Variants in PKIB observed in about 807,000 individuals in gnomAD.
The protein encoded by PKIB is cAMP-dependent protein kinase inhibitor beta.
Under a neutral mutation model 4.5 loss-of-function variants are expected in PKIB, and 2 were observed. The observed-to-expected ratio is 0.44, with a 90% CI of 0.18 to 1.39. PKIB has a LOEUF of 1.39. Ranked by LOEUF, PKIB falls within the 40% of genes most tolerant of loss-of-function variation. The pLI, the probability that PKIB is intolerant of heterozygous loss-of-function variation, is 0.27. For missense variants in PKIB, 94 were observed against 92.6 expected, an observed-to-expected ratio of 1.02 and a Z score of -0.06; for synonymous variants, 38 against 36.0, an observed-to-expected ratio of 1.06 and a Z score of -0.20.
chr6:122,589,762 C>A (rs1459132375), intron 3 of PKIB, among the ~76,000 whole-genome samples: 2 of 151,906 alleles, frequency 1.3e-5, no homozygotes, highest in Admixed American at 1.3e-4. Flanking sequence ...TTCATTATTA[C>A]AGGAAAAAGA....
chr6:122,645,304 G>C (rs1427211424), intron 2 of PKIB, among the ~76,000 whole-genome samples: 2 of 152,182 alleles, frequency 1.3e-5, no homozygotes, highest in African/African-American at 4.8e-5. Context: ...GTAGAGGATG[G>C]GGTTAGTTTG....
chr6:122,646,763 C>T lies in PKIB; in HGVS notation c.-76+13396C>T, dbSNP rs531595742. ...AAAATATAGCTTCAAATTATCACCTCTGTGACTTTGGGGCAAGTAGTTTAT... is the reference window on the plus strand; with the variant it reads ...AAAATATAGCTTCAAATTATCACCTTTGTGACTTTGGGGCAAGTAGTTTAT... On this transcript the variant is annotated intron_variant, in intron 2 of 4. Coordinates refer to ENST00000368452, the MANE Select transcript of PKIB (RefSeq NM_181795.3). Among the ~76,000 whole-genome samples, 11 of 152,268 alleles carry T rather than the reference C, an allele frequency of 7.2e-5. No homozygotes were observed. In the South Asian group the frequency reaches 1.2e-3, roughly 17 times the overall value.
chr6:122,514,210 G>A (rs113624842), intron 2 of PKIB, among the ~76,000 whole-genome samples: 2,524 of 152,160 alleles, frequency 0.017, 82 homozygotes, highest in African/African-American at 0.059. Flanking sequence ...TTGGCCATGA[G>A]TACACAGGGA....
At chr6:122,519,196 A>G (rs1224351219) in intron 2 of PKIB, among the ~76,000 whole-genome samples, 1 of 152,050 alleles carries the variant, frequency 6.6e-6, no homozygotes, top group Non-Finnish European at 1.5e-5. Context: ...TAGGACAGTG[A>G]ACATTGTGAA....
intron 2 of PKIB, among the ~76,000 whole-genome samples, chr6:122,489,738 T>C (rs912922660): frequency 3.9e-5 from 6 of 152,254 alleles, no homozygotes; most frequent in South Asian, 4.1e-4. Context: ...CTTATAAATA[T>C]GATTTTTCTG....
At chr6:122,475,491 A>G (rs912231046) in intron 1 of PKIB, among the ~76,000 whole-genome samples, 1 of 152,116 alleles carries the variant, frequency 6.6e-6, no homozygotes, top group Non-Finnish European at 1.5e-5. Context: ...TCATCTCTAT[A>G]AAAGTAAAAA....
intron 2 of PKIB, among the ~76,000 whole-genome samples, chr6:122,633,929 C>CCTATCTATCTATCTAT (rs61254507): frequency 0.016 from 2,300 of 145,954 alleles, 37 homozygotes; most frequent in South Asian, 0.02. Context: ...AGATATCTGT[C>CCTATCTATCTATCTAT]CTATCTATCT....
rs369561017 is a variant in PKIB, at chr6:122,654,972, TG to T, written c.-75-20105del. On this transcript the variant is annotated intron_variant, in intron 2 of 4. Coordinates refer to ENST00000368452, the MANE Select transcript of PKIB (RefSeq NM_181795.3). Reference sequence around the variant, plus strand: ...TTTCAGTTAATATTCAGAGATTTTTTGTTTGTTTGTTCATTTGTTTTTGAGA... The same window carrying T: ...TTTCAGTTAATATTCAGAGATTTTTTTTTGTTTGTTCATTTGTTTTTGAGA... Among the ~76,000 whole-genome samples, 265 of 152,248 alleles carry T rather than the reference TG, an allele frequency of 1.7e-3. 1 individual carries two copies. Among genetic ancestry groups the T allele is most frequent in the African/African-American group, 6.0e-3 (248 of 41,566 alleles).
At chr6:122,622,457 A>AT (rs1475433944) in intron 1 of PKIB, among the ~76,000 whole-genome samples, 2 of 152,168 alleles carry the variant, frequency 1.3e-5, no homozygotes, top group Admixed American at 6.5e-5. Context: ...CTCTGCTCTG[A>AT]TTTTTATTTA....
chr6:122,619,221 G>A (rs183271471), intron 1 of PKIB, among the ~76,000 whole-genome samples: 107 of 152,080 alleles, frequency 7.0e-4, no homozygotes, highest in Admixed American at 2.0e-3. Context: ...ATTTTTTAAG[G>A]ATGTCAAAGT....
chr6:122,663,769 C>A (rs1048044706), intron 2 of PKIB, among the ~76,000 whole-genome samples: 1 of 152,140 alleles, frequency 6.6e-6, no homozygotes, highest in Non-Finnish European at 1.5e-5. Flanking sequence ...TTACATTTGC[C>A]AAGACCTTAT....
intron 2 of PKIB, among the ~76,000 whole-genome samples, chr6:122,655,045 T>A (rs1776711786): frequency 6.6e-6 from 1 of 152,164 alleles, no homozygotes; most frequent in South Asian, 2.1e-4. Context: ...TGGAGTGAAG[T>A]GGCATGATCT....
At chr6:122,590,852 C>A (rs1399987297) in intron 3 of PKIB, among the ~76,000 whole-genome samples, 2 of 152,058 alleles carry the variant, frequency 1.3e-5, no homozygotes, top group African/African-American at 4.8e-5. Context: ...CAGGGCTGCC[C>A]TCTGCCCACA....
intron 1 of PKIB, among the ~76,000 whole-genome samples, chr6:122,615,534 A>G (rs1318403463): frequency 6.6e-6 from 1 of 152,184 alleles, no homozygotes; most frequent in African/African-American, 2.4e-5. Context: ...GGGCGACTTC[A>G]TGGGTGTACT....
chr6:122,658,998 T>C (rs1398297296), intron 2 of PKIB, among the ~76,000 whole-genome samples: 2 of 151,858 alleles, frequency 1.3e-5, no homozygotes, highest in Non-Finnish European at 2.9e-5. Flanking sequence ...AATTATATAA[T>C]ATTATTAATC....
chr6:122,702,280 A>G (rs185839164), intron 3 of PKIB, among the ~76,000 whole-genome samples: 68 of 149,862 alleles, frequency 4.5e-4, no homozygotes, highest in African/African-American at 1.6e-3. Flanking sequence ...AGAGGAAAAC[A>G]CCTTAACCCC....
rs1778101041 is a variant in PKIB at position 122,686,591 on chromosome 6, A to AG, written c.-9+11449dup. On this transcript the variant is annotated intron_variant, in intron 3 of 4. Coordinates refer to ENST00000368452, the MANE Select transcript of PKIB (RefSeq NM_181795.3). The stretch of plus-strand genomic sequence containing the variant: ...TGGCTCGCTGCAGCCTTAACTTCCT[A>AG]GGCTCAAGCAGTCCCCCCACCTCGC... Among the ~76,000 whole-genome samples, 5 of 151,776 alleles carry AG rather than the reference A, an allele frequency of 3.3e-5. No individual in the cohort carries two copies. The South Asian group carries it at 1.0e-3, about 32-fold the overall frequency.
chr6:122,526,877 C>T (rs1777106179), intron 2 of PKIB, among the ~76,000 whole-genome samples: 1 of 152,116 alleles, frequency 6.6e-6, no homozygotes, highest in African/African-American at 2.4e-5. Context: ...TTCTCCTTAG[C>T]TCTGAAAGTG....
upstream of PKIB, among the ~76,000 whole-genome samples, chr6:122,606,864 C>T (rs1241637991): frequency 2.0e-5 from 3 of 151,522 alleles, no homozygotes; most frequent in Non-Finnish European, 4.4e-5. Context: ...CTAGATCTCA[C>T]TTGAAACCTT....
Sources: gnomAD v4.1 joint callset for allele counts (sites outside exome capture counted in the v4.1 genomes callset) on GRCh38, gnomAD v4.1.1 for gene constraint, MANE v1.5 for transcripts, NCBI Gene and HGNC (gene_info 2026-07-23, HGNC 2026-07-21) for gene names.